DENND4B: variants seen among roughly 807,000 people sequenced by gnomAD.
The protein encoded by DENND4B is DENN domain containing 4B, also known as DENN domain-containing protein 4B.
Under a neutral mutation model 161.0 loss-of-function variants are expected in DENND4B, and 67 were observed. The ratio of observed to expected loss-of-function variants is 0.42; its 90% CI spans 0.34 to 0.51. The LOEUF is 0.51. DENND4B is among the 20% of genes least tolerant of loss of function. The probability of loss-of-function intolerance (pLI) is 0.08; values close to 1 mark genes in which losing one functional copy is unlikely to be tolerated. For missense variants in DENND4B, 1,481 were observed against 1,968.0 expected (o/e 0.75, Z 4.68); for synonymous variants, 753 against 813.8 (o/e 0.93, Z 1.27).
At chr1:153,941,094 G>C (rs1047587350) in intron 8 of DENND4B, 46 bp from the exon 9 acceptor site, 2 of 1,557,124 alleles carry the variant, frequency 1.3e-6, no homozygotes, top group Non-Finnish European at 1.7e-6. Flanking sequence ...GGATACCCTG[G>C]GGACCCTTCC....
chr1:153,945,186 G>A (rs772133823), intron 1 of DENND4B: 22 of 1,288,806 alleles, frequency 1.7e-5, no homozygotes, highest in Middle Eastern at 2.1e-4. Context: ...GTCCTGAGGC[G>A]CCCCAGGGTG....
chr1:153,930,186 T>C lies in DENND4B; in HGVS notation c.*111A>G. Reference sequence around the variant, plus strand: ...CTCGCTTGGAGCCTTTGACTGGGCATCCTTCCCAGCCTGTTCCCAACTCCA... The same window carrying C: ...CTCGCTTGGAGCCTTTGACTGGGCACCCTTCCCAGCCTGTTCCCAACTCCA... On this transcript the variant is annotated 3_prime_UTR_variant, in exon 28 of 28. Transcript: ENST00000361217. The surrounding 1 kb of genome is among the most constrained non-coding windows in gnomAD (Gnocchi z 4.7). 4 of 1,379,306 alleles carry C rather than the reference T, an allele frequency of 2.9e-6. No individual in the cohort carries two copies. The highest frequency in any genetic ancestry group is 5.0e-5 in the East Asian group (2 of 39,962). The allele number at this position is 1,379,306 out of a possible 1,614,324, so 85.4% of individuals were successfully genotyped here.
chr1:153,939,077 G>T, intron 12 of DENND4B, 32 bp from the exon 13 acceptor site: 1 of 1,607,102 alleles, frequency 6.2e-7, no homozygotes, highest in Non-Finnish European at 8.5e-7. Flanking sequence ...CAGAGGAGGG[G>T]TGTGACCAGG....
rs1186716137 is a variant in DENND4B, at chr1:153,937,110, A to G, written c.2233-362T>C. Among the ~76,000 whole-genome samples, 1 of 152,234 alleles carries G rather than the reference A, an allele frequency of 6.6e-6. No homozygotes were observed. Among genetic ancestry groups the G allele is most frequent in the Non-Finnish European group, 1.5e-5 (1 of 68,038 alleles). On this transcript the variant is annotated intron_variant, in intron 15 of 27. Transcript: ENST00000361217. This position sits in a 1 kb window ranked among gnomAD's most constrained non-coding sequence, Gnocchi z 4.7. ...AGGACAGACCCTAAAGTGGTGTGGG[A>G]AGAAGTAGCACCTTCTCTGAGGAAG...
Position 153,932,853 on chromosome 1 carries a change from T to C in DENND4B, c.3623+8A>G. The C allele has an allele frequency of 6.2e-7, 1 of 1,613,916 alleles. No homozygotes were observed. On this transcript the variant is annotated splice_region_variant and intron_variant, in intron 22 of 27. Coordinates refer to ENST00000361217, the MANE Select transcript of DENND4B (RefSeq NM_014856.3). This position sits in a 1 kb window ranked among gnomAD's most constrained non-coding sequence, Gnocchi z 5.8. ...TCCCACCCACAGCACTTGCCCTGCC[T>C]TGGGCACCTGGGCCGGGAATCAAGG... is the stretch of plus-strand genomic sequence containing the variant.
In DENND4B at chr1:153,933,260, A is replaced by C; in HGVS notation, c.3390T>G (p.Ser1130Arg). 6.2e-7 allele frequency: 1 copy of C among 1,613,124 alleles called. No homozygotes were observed. Among genetic ancestry groups the C allele is most frequent in the South Asian group, 1.1e-5 (1 of 90,876 alleles). ...TGAGGCGCTCTGAGGAACGGCGAAG[A>C]CTCAGGTTGCTGAGAGAAGATTCTG... ...DLSESSLSNL[S>R]LRRSSERLSD... Residue 1130 changes from serine (S) to arginine (R), a missense_variant, in exon 21 of 28, where the codon AGT (serine) becomes AGG (arginine). By Grantham distance (110) the Ser-to-Arg change is moderately radical (BLOSUM62 -1). Coordinates refer to ENST00000361217, the MANE Select transcript of DENND4B (RefSeq NM_014856.3). This position sits in a 1 kb window ranked among gnomAD's most constrained non-coding sequence, Gnocchi z 5.7.
chr1:153,936,405 T>C lies in DENND4B; in HGVS notation c.2439+137A>G. ...AACATGCTTATTCACTCGACGAATG[T>C]TTATAGATAATCTGCCCAGCTCTGG... is the stretch of plus-strand genomic sequence containing the variant. On this transcript the variant is annotated intron_variant, in intron 16 of 27. Coordinates refer to ENST00000361217, the MANE Select transcript of DENND4B (RefSeq NM_014856.3). The surrounding 1 kb of genome is among the most constrained non-coding windows in gnomAD (Gnocchi z 4.1). 1.7e-6 allele frequency: 2 copies of C among 1,171,386 alleles called. No individual in the cohort carries two copies. The highest frequency in any genetic ancestry group is 2.4e-6 in the Non-Finnish European group (2 of 841,206). 72.6% of individuals were successfully genotyped at this position (1,171,386 alleles called of 1,614,324 possible). A position where few individuals can be genotyped will look rare whatever the true frequency, so the allele number is the denominator to read the frequency against.
chr1:153,941,788 CCACA>C, intron 6 of DENND4B, 77 bp downstream of exon 6: 1 of 1,291,400 alleles, frequency 7.7e-7, no homozygotes, highest in Non-Finnish European at 1.1e-6. Flanking sequence ...CTCCCCCCAC[CCACA>C]TCTGAATCTC....
chr1:153,939,045 C>A lies in DENND4B; in HGVS notation c.1820G>T (p.Gly607Val). ...RDVDNLFFLQGFLKSRERSSH... is the reference protein window; with the variant it reads ...RDVDNLFFLQVFLKSRERSSH... ...GGAGCGTTCCCGGGATTTGAGGAAG[C>A]CTGAGGGGTATGAGAATGGGGCAGA... The change falls in exon 13 of 28, where the codon GGC (glycine) becomes GTC (valine). Residue 607 changes from glycine (G) to valine (V), a missense_variant and splice_region_variant. Coordinates refer to ENST00000361217, the MANE Select transcript of DENND4B (RefSeq NM_014856.3). The A allele has an allele frequency of 1.9e-6, 3 of 1,611,604 alleles. No homozygotes were observed. Among genetic ancestry groups the A allele is most frequent in the Non-Finnish European group, 1.7e-6 (2 of 1,179,000 alleles).
At chr1:153,945,744 C>T (rs1679924060) in intron 1 of DENND4B, among the ~76,000 whole-genome samples, 1 of 152,374 alleles carries the variant, frequency 6.6e-6, no homozygotes, top group East Asian at 1.9e-4. Flanking sequence ...AGGCAGCAGG[C>T]AGAGGCCATT....
chr1:153,944,596 ATGGTCC>A lies in DENND4B; in HGVS notation c.-23-205_-23-200del, dbSNP rs1334570093. Among the ~76,000 whole-genome samples, 1 of 152,172 alleles carries A rather than the reference ATGGTCC, an allele frequency of 6.6e-6. No homozygotes were observed. The highest frequency in any genetic ancestry group is 1.5e-5 in the Non-Finnish European group (1 of 68,028). On this transcript the variant is annotated intron_variant, in intron 1 of 27. Transcript: ENST00000361217. The surrounding 1 kb of genome is among the most constrained non-coding windows in gnomAD (Gnocchi z 4.8). ...AAAGAGACCAGATCCCTCCCACTTA[ATGGTCC>A]TGGCACTCCCCTCAAAGAACCTAAA...
chr1:153,933,782 C>G lies in DENND4B; in HGVS notation c.3031G>C (p.Glu1011Gln), dbSNP rs1408921868. The part of the protein sequence containing the change: ...SLSDLSLTGE[E>Q]PLPGGSPGGS... ...CCTGGGCTGCCTCCAGGGAGCGGCT[C>G]CTCCCCTGTCAGGCTCAGGTCTGAG... Residue 1011 changes from glutamate to glutamine, a missense_variant, in exon 20 of 28, where the codon GAG (glutamate) becomes CAG (glutamine). Physicochemically the swap from Glu to Gln is conservative, Grantham distance 29 (BLOSUM62 2). Coordinates refer to ENST00000361217, the MANE Select transcript of DENND4B (RefSeq NM_014856.3). The surrounding 1 kb of genome is among the most constrained non-coding windows in gnomAD (Gnocchi z 5.7). The G allele has an allele frequency of 6.2e-7, 1 of 1,611,442 alleles. No individual in the cohort carries two copies. The highest frequency in any genetic ancestry group is 8.5e-7 in the Non-Finnish European group (1 of 1,179,230).
At position 153,930,114 on chromosome 1, in the gene DENND4B, G is replaced by A. The variant is rs141796802; in HGVS notation, c.*183C>T. The stretch of plus-strand genomic sequence containing the variant: ...CGAACAAACTGGGTAGGTTGGTGAT[G>A]GGGGAATCAGGACTTTTGGTAACAG... On this transcript the variant is annotated 3_prime_UTR_variant, in exon 28 of 28. Transcript: ENST00000361217. This position sits in a 1 kb window ranked among gnomAD's most constrained non-coding sequence, Gnocchi z 4.7. 58 of 801,920 alleles carry A rather than the reference G, an allele frequency of 7.2e-5. 1 individual carries two copies. The highest frequency in any genetic ancestry group is 6.9e-4 in the African/African-American group (40 of 57,564). The allele number at this position is 801,920 out of a possible 1,614,324, so 49.7% of individuals were successfully genotyped here. A position where few individuals can be genotyped will look rare whatever the true frequency, so the allele number is the denominator to read the frequency against.
chr1:153,935,154 G>A (rs1025032424), intron 17 of DENND4B, 190 bp from the exon 18 acceptor site: 1 of 1,184,274 alleles, frequency 8.4e-7, no homozygotes, highest in Non-Finnish European at 1.1e-6. Flanking sequence ...CTCCCAAGGG[G>A]CCTAGAAGAA....
At position 153,946,332 on chromosome 1, in the gene DENND4B, T is replaced by C. The variant is rs1679966382; in HGVS notation, c.-55A>G. 1.1e-5 allele frequency: 4 copies of C among 366,300 alleles called. No homozygotes were observed. The highest frequency in any genetic ancestry group is 1.9e-5 in the Non-Finnish European group (4 of 205,328). The allele number at this position is 366,300 out of a possible 1,614,324, so 22.7% of individuals were successfully genotyped here. On this transcript the variant is annotated 5_prime_UTR_variant, in exon 1 of 28. Transcript: ENST00000361217. The surrounding 1 kb of genome is among the most constrained non-coding windows in gnomAD (Gnocchi z 6.3). ...CGCGCTTCCCGGCCGGCCGGCCCGC[T>C]GGCGGGTGGCTCGGAGGGCGAGCTG... is the stretch of plus-strand genomic sequence containing the variant.
At position 153,932,849 on chromosome 1, in the gene DENND4B, T is replaced by C; in HGVS notation, c.3623+12A>G. ...CTATTCCCACCCACAGCACTTGCCCTGCCTTGGGCACCTGGGCCGGGAATC... is the reference window on the plus strand; with the variant it reads ...CTATTCCCACCCACAGCACTTGCCCCGCCTTGGGCACCTGGGCCGGGAATC... On this transcript the variant is annotated intron_variant, in intron 22 of 27. Transcript: ENST00000361217. This position sits in a 1 kb window ranked among gnomAD's most constrained non-coding sequence, Gnocchi z 5.8. 1 of 1,613,848 alleles carries C rather than the reference T, an allele frequency of 6.2e-7. No individual in the cohort carries two copies. Among genetic ancestry groups the C allele is most frequent in the Non-Finnish European group, 8.5e-7 (1 of 1,179,822 alleles).
chr1:153,942,761 AC>A lies in DENND4B; in HGVS notation c.570+116del. 6.8e-7 allele frequency: 1 copy of A among 1,470,210 alleles called. No individual in the cohort carries two copies. 91.1% of individuals were successfully genotyped at this position (1,470,210 alleles called of 1,614,324 possible). A position where few individuals can be genotyped will look rare whatever the true frequency, so the allele number is the denominator to read the frequency against. ...ATCCCAGTGCCCCAAGACCAGAGTT[AC>A]CCCTCTGGACTCACCCCTGTGGTCA... On this transcript the variant is annotated intron_variant, in intron 3 of 27. Coordinates refer to ENST00000361217, the MANE Select transcript of DENND4B (RefSeq NM_014856.3). The surrounding 1 kb of genome is among the most constrained non-coding windows in gnomAD (Gnocchi z 6.9).
rs1441022920 is a variant in DENND4B at position 153,937,003 on chromosome 1, C to T, written c.2233-255G>A. ...AAAGACAAGGTTTTGCCACATTGCC[C>T]AGGCTAGTCACAAACTCCTGGGCGC... On this transcript the variant is annotated intron_variant, in intron 15 of 27. Coordinates refer to ENST00000361217, the MANE Select transcript of DENND4B (RefSeq NM_014856.3). This position sits in a 1 kb window ranked among gnomAD's most constrained non-coding sequence, Gnocchi z 4.7. Among the ~76,000 whole-genome samples, 2 of 152,198 alleles carry T rather than the reference C, an allele frequency of 1.3e-5. No individual in the cohort carries two copies. The highest frequency in any genetic ancestry group is 2.9e-5 in the Non-Finnish European group (2 of 68,044).
intron 13 of DENND4B, among the ~76,000 whole-genome samples, chr1:153,938,534 C>G (rs1679482368): frequency 6.6e-6 from 1 of 151,686 alleles, no homozygotes; most frequent in African/African-American, 2.4e-5. Context: ...AACCCCGTCT[C>G]TACTAAAAAT....
Sources: allele counts gnomAD v4.1 joint callset (sites outside exome capture counted in the v4.1 genomes callset), GRCh38; gene constraint gnomAD v4.1.1; non-coding constraint Gnocchi (gnomAD v3.1); transcripts MANE v1.5; gene names NCBI Gene and HGNC (gene_info 2026-07-23, HGNC 2026-07-21).